Variants in EPN2 observed in about 807,000 individuals in gnomAD.
EPN2 encodes the protein epsin 2, also known as epsin-2.
In EPN2, 34 loss-of-function variants were observed where a neutral mutation model predicts 61.7. That is an observed-to-expected ratio of 0.55 (90% CI 0.42 to 0.73). EPN2 has a LOEUF of 0.73. Among genes scored for constraint, EPN2 ranks in the 30% least tolerant of loss-of-function variants. EPN2 has a pLI of 0.00. For missense variants in EPN2, 714 were observed against 839.2 expected, an observed-to-expected ratio of 0.85 and a Z score of 1.84; for synonymous variants, 349 against 353.6, an observed-to-expected ratio of 0.99 and a Z score of 0.15.
intron 4 of EPN2, among the ~76,000 whole-genome samples, chr17:19,300,956 C>T (rs903727313): frequency 6.6e-6 from 1 of 152,134 alleles, no homozygotes; most frequent in African/African-American, 2.4e-5. Context: ...CCAGGGGAGG[C>T]GCAGTGAGAA....
chr17:19,302,926 G>A (rs1177227306), intron 4 of EPN2, among the ~76,000 whole-genome samples: 2 of 152,214 alleles, frequency 1.3e-5, no homozygotes, highest in African/African-American at 4.8e-5. Context: ...ATGACACTCG[G>A]CCTGGGGTCA....
At chr17:19,269,588 C>T (rs2045234319) in intron 1 of EPN2, among the ~76,000 whole-genome samples, 1 of 152,228 alleles carries the variant, frequency 6.6e-6, no homozygotes, top group Admixed American at 6.5e-5. Flanking sequence ...CCCTGACTGA[C>T]TCCATTGTAT....
chr17:19,262,879 ATGT>A (rs1418799974), intron 1 of EPN2, among the ~76,000 whole-genome samples: 1 of 152,214 alleles, frequency 6.6e-6, no homozygotes, highest in African/African-American at 2.4e-5. Context: ...ATTCAGTGTA[ATGT>A]TGTCGAGGTT....
At chr17:19,240,281 T>C (rs2044869702) in intron 1 of EPN2, among the ~76,000 whole-genome samples, 1 of 151,900 alleles carries the variant, frequency 6.6e-6, no homozygotes, top group Non-Finnish European at 1.5e-5. Context: ...CGTCTCACGC[T>C]GTCACCCAGG....
At chr17:19,320,733 T>G (rs780347426) in intron 7 of EPN2, among the ~76,000 whole-genome samples, 2 of 152,204 alleles carry the variant, frequency 1.3e-5, no homozygotes, top group Non-Finnish European at 2.9e-5. Context: ...ATGTCTTAGA[T>G]AATCAGGATG....
At chr17:19,308,663 A>C in intron 4 of EPN2, 1 of 985,474 alleles carries the variant, frequency 1.0e-6, no homozygotes, top group Non-Finnish European at 1.2e-6. Flanking sequence ...AGGACAGGGC[A>C]AGGAACCATC....
chr17:19,307,679 G>T (rs1257675164), intron 4 of EPN2, among the ~76,000 whole-genome samples: 2 of 152,158 alleles, frequency 1.3e-5, no homozygotes, highest in Non-Finnish European at 2.9e-5. Context: ...TGTTTTGTGT[G>T]TTTTTAAGAA....
chr17:19,321,731 G>T (rs1262118028), intron 7 of EPN2, among the ~76,000 whole-genome samples: 2 of 152,154 alleles, frequency 1.3e-5, no homozygotes, highest in Non-Finnish European at 2.9e-5. Context: ...GCACAGCTGG[G>T]CTGCTGAGCA....
chr17:19,296,150 A>AT (rs879503406), intron 4 of EPN2, among the ~76,000 whole-genome samples: 176 of 144,306 alleles, frequency 1.2e-3, no homozygotes, highest in African/African-American at 1.9e-3. Flanking sequence ...CATTCATTCT[A>AT]TTTTTTTTTT....
intron 4 of EPN2, among the ~76,000 whole-genome samples, chr17:19,299,119 G>A (rs142835427): frequency 1.3e-5 from 2 of 152,266 alleles, no homozygotes; most frequent in Non-Finnish European, 2.9e-5. Flanking sequence ...GCTCAATTGG[G>A]AGCCCCTGAG....
At chr17:19,293,853 C>T (rs1473062220) in intron 4 of EPN2, among the ~76,000 whole-genome samples, 6 of 151,872 alleles carry the variant, frequency 4.0e-5, no homozygotes, top group African/African-American at 1.2e-4. Context: ...TTTGGGAGGC[C>T]GAGGCTGGTG....
intron 1 of EPN2, among the ~76,000 whole-genome samples, chr17:19,260,446 C>T (rs1234238092): frequency 1.3e-5 from 2 of 152,134 alleles, no homozygotes; most frequent in Non-Finnish European, 1.5e-5. Context: ...GTGCAGGGTC[C>T]CTGCCCTCCA....
rs769145953 is a variant in EPN2, at chr17:19,283,224, G to T, written c.105G>T (p.Pro35=). 14 of 1,614,108 alleles carry T rather than the reference G, an allele frequency of 8.7e-6. 1 individual carries two copies. The highest frequency in any genetic ancestry group is 2.2e-5 in the South Asian group (2 of 91,072). The part of the protein sequence containing the change: ...REATSNDPWG[P]SSSLMTEIAD... ...CCACCTCCAATGACCCGTGGGGCCCGTCCAGTTCTCTGATGACCGAGATTG... is the reference window on the plus strand; with the variant it reads ...CCACCTCCAATGACCCGTGGGGCCCTTCCAGTTCTCTGATGACCGAGATTG... The change falls in exon 3 of 11, where the codon CCG becomes CCT. Residue 35 remains proline (P), a synonymous_variant. Transcript: ENST00000314728. The surrounding 1 kb of genome is among the most constrained non-coding windows in gnomAD (Gnocchi z 7.0).
intron 1 of EPN2, among the ~76,000 whole-genome samples, chr17:19,246,884 C>T (rs1244032990): frequency 6.6e-6 from 1 of 150,804 alleles, no homozygotes; most frequent in Non-Finnish European, 1.5e-5. Flanking sequence ...TCTCCTGTCT[C>T]AGCCTCCCAA....
intron 7 of EPN2, among the ~76,000 whole-genome samples, chr17:19,318,830 CATG>C (rs759699020): frequency 6.6e-6 from 1 of 151,934 alleles, no homozygotes; most frequent in Non-Finnish European, 1.5e-5. Flanking sequence ...GCTGCTGGCT[CATG>C]GAGAGTGCTT....
chr17:19,300,427 CTTTTTTT>C lies in EPN2; in HGVS notation c.767-9445_767-9439del, dbSNP rs72338416. ...TACATAAAAACAATAAACTGTAAAT[CTTTTTTT>C]TTTTTTTTTTTTGGAGACAGAGTCG... On this transcript the variant is annotated intron_variant, in intron 4 of 10. Transcript: ENST00000314728. Among the ~76,000 whole-genome samples the C allele has an allele frequency of 3.7e-5, 4 of 108,932 alleles. No homozygotes were observed. In the South Asian group the frequency reaches 1.0e-3, roughly 28 times the overall value. The allele number at this position is 108,932 out of a possible 152,430, so 71.5% of individuals were successfully genotyped here. A position where few individuals can be genotyped will look rare whatever the true frequency, so the allele number is the denominator to read the frequency against.
chr17:19,246,674 G>GC (rs912433913), intron 1 of EPN2, among the ~76,000 whole-genome samples: 51 of 144,234 alleles, frequency 3.5e-4, no homozygotes, highest in South Asian at 2.4e-3. Flanking sequence ...GGCCCCTTCC[G>GC]CCCCCCCCAA....
chr17:19,310,830 G>T (rs1020959009), intron 5 of EPN2, among the ~76,000 whole-genome samples: 2 of 151,902 alleles, frequency 1.3e-5, no homozygotes, highest in African/African-American at 4.8e-5. Flanking sequence ...TGCCCACCTC[G>T]GCCTCCCAAA....
intron 7 of EPN2, among the ~76,000 whole-genome samples, chr17:19,324,228 G>A (rs1276934485): frequency 6.6e-6 from 1 of 152,158 alleles, no homozygotes; most frequent in African/African-American, 2.4e-5. Flanking sequence ...TAAAAAATCA[G>A]TTAAAAGGAT....
Sources: allele counts gnomAD v4.1 joint callset (sites outside exome capture counted in the v4.1 genomes callset), GRCh38; gene constraint gnomAD v4.1.1; non-coding constraint Gnocchi (gnomAD v3.1); transcripts MANE v1.5; gene names NCBI Gene and HGNC (gene_info 2026-07-23, HGNC 2026-07-21).